The following SCAMP1 variants were observed in gnomAD, a reference collection of about 807,000 sequenced individuals.
SCAMP1 encodes secretory carrier membrane protein 1, also known as secretory carrier-associated membrane protein 1.
SCAMP1 carries 15 observed loss-of-function variants against 41.8 expected under a neutral mutation model. That is an observed-to-expected ratio of 0.36 (90% CI 0.24 to 0.55). The LOEUF is 0.55. Among genes scored for constraint, SCAMP1 ranks in the 20% least tolerant of loss-of-function variants. The pLI is 0.86. For missense variants in SCAMP1, 341 were observed against 412.6 expected (o/e 0.83, Z 1.50); for synonymous variants, 135 against 136.8 (o/e 0.99, Z 0.09).
chr5:78,463,099 C>T (rs1407107658), intron 8 of SCAMP1, among the ~76,000 whole-genome samples: 1 of 152,160 alleles, frequency 6.6e-6, no homozygotes, highest in Non-Finnish European at 1.5e-5. Flanking sequence ...TAGACTGTGT[C>T]CGTTCTTCCA....
chr5:78,443,485 C>T (rs1752978572), intron 6 of SCAMP1, among the ~76,000 whole-genome samples: 2 of 151,956 alleles, frequency 1.3e-5, no homozygotes, highest in African/African-American at 4.8e-5. Flanking sequence ...AGAGTTTGCA[C>T]CAAGGTTGTG....
intron 8 of SCAMP1, among the ~76,000 whole-genome samples, chr5:78,467,783 T>C (rs1438757889): frequency 6.6e-6 from 1 of 152,232 alleles, no homozygotes; most frequent in Non-Finnish European, 1.5e-5. Flanking sequence ...AGCTTTCATA[T>C]TTTAATAGCA....
At chr5:78,386,457 A>G (rs117200125) in intron 1 of SCAMP1, among the ~76,000 whole-genome samples, 1 of 151,868 alleles carries the variant, frequency 6.6e-6, no homozygotes, top group East Asian at 1.9e-4. Context: ...AATCAACGTT[A>G]TTATTGAGAT....
intron 6 of SCAMP1, among the ~76,000 whole-genome samples, chr5:78,447,842 T>TCCCCTCCCTCC (rs1753091621): frequency 4.2e-5 from 3 of 70,756 alleles, no homozygotes; most frequent in East Asian, 5.1e-4. Flanking sequence ...CCTCCCTTCT[T>TCCCCTCCCTCC]TCCCCTCCCT....
chr5:78,370,475 C>T (rs1232008882), intron 1 of SCAMP1: 1 of 152,192 alleles, frequency 6.6e-6, no homozygotes, highest in African/African-American at 2.4e-5. Flanking sequence ...CCTTTCTGTG[C>T]AGAAGGCTTG....
In SCAMP1 at chr5:78,439,358, G is replaced by A. The variant is rs376061392; in HGVS notation, c.633-10575G>A. 5.2e-3 allele frequency among the ~76,000 whole-genome samples: 787 copies of A among 152,240 alleles called. 10 individuals are homozygous for A. Among genetic ancestry groups the A allele is most frequent in the African/African-American group, 0.018 (756 of 41,548 alleles). On this transcript the variant is annotated intron_variant, in intron 6 of 8. Transcript: ENST00000621999. Reference sequence around the variant, plus strand: ...GTTTTTGCAGTGGCTGGTACTGGTTGTTTTTTTCCATGTTTAGTGCTTCCT... The same window carrying A: ...GTTTTTGCAGTGGCTGGTACTGGTTATTTTTTTCCATGTTTAGTGCTTCCT...
chr5:78,418,937 A>T (rs1391357333), intron 5 of SCAMP1, 34 bp downstream of exon 5: 1 of 1,527,506 alleles, frequency 6.5e-7, no homozygotes, highest in Non-Finnish European at 8.8e-7. Flanking sequence ...TTTGCTTAGA[A>T]TTTGTATTTT....
chr5:78,425,205 A>G (rs1202128804), intron 6 of SCAMP1, among the ~76,000 whole-genome samples: 1 of 152,250 alleles, frequency 6.6e-6, no homozygotes, highest in Non-Finnish European at 1.5e-5. Context: ...GACAATTTTC[A>G]AAGTAGTACT....
chr5:78,460,795 TCCTTCCTTCCTC>T (rs1753577111), intron 8 of SCAMP1, among the ~76,000 whole-genome samples: 1 of 46,126 alleles, frequency 2.2e-5, no homozygotes, highest in Admixed American at 1.5e-4. Context: ...CTTCCTTCCT[TCCTTCCTTCCTC>T]CCTTCCTTCC....
intron 1 of SCAMP1, among the ~76,000 whole-genome samples, chr5:78,362,930 T>C (rs1433784016): frequency 3.6e-5 from 5 of 137,048 alleles, no homozygotes; most frequent in Non-Finnish European, 4.8e-5. Context: ...TCTTGCACTG[T>C]TGCCCCGGCT....
intron 1 of SCAMP1, among the ~76,000 whole-genome samples, chr5:78,376,951 T>G (rs1751079730): frequency 6.6e-6 from 1 of 152,088 alleles, no homozygotes; most frequent in African/African-American, 2.4e-5. Context: ...GACAGGGTGA[T>G]CCTAAGAAAA....
intron 5 of SCAMP1, among the ~76,000 whole-genome samples, chr5:78,419,403 A>G (rs1752286212): frequency 6.6e-6 from 1 of 152,174 alleles, no homozygotes; most frequent in Non-Finnish European, 1.5e-5. Context: ...TTTATTATTG[A>G]AAGTGCTTAA....
intron 6 of SCAMP1, among the ~76,000 whole-genome samples, chr5:78,422,442 G>T (rs1339184618): frequency 1.3e-5 from 2 of 151,828 alleles, no homozygotes; most frequent in African/African-American, 2.4e-5. Context: ...TTCAAAGGCA[G>T]CACCATTTTA....
At chr5:78,436,274 TGTTTTA>T (rs1347348869) in intron 6 of SCAMP1, among the ~76,000 whole-genome samples, 1 of 152,216 alleles carries the variant, frequency 6.6e-6, no homozygotes, top group Non-Finnish European at 1.5e-5. Context: ...CTGCTTTTGG[TGTTTTA>T]GTCATGAAAT....
intron 1 of SCAMP1, among the ~76,000 whole-genome samples, chr5:78,363,519 A>G (rs1161485934): frequency 2.0e-5 from 3 of 152,248 alleles, no homozygotes; most frequent in Admixed American, 6.5e-5. Flanking sequence ...CATTTTTCAA[A>G]TCTGTTTTTA....
chr5:78,459,967 C>T (rs1246116739), intron 8 of SCAMP1, among the ~76,000 whole-genome samples: 1 of 152,036 alleles, frequency 6.6e-6, no homozygotes, highest in Non-Finnish European at 1.5e-5. Context: ...TCTGTGTGAA[C>T]CCTTTGTTTA....
In SCAMP1 at chr5:78,405,029, C is replaced by T. The variant is rs181197877; in HGVS notation, c.136-10491C>T. On this transcript the variant is annotated intron_variant, in intron 2 of 8. Coordinates refer to ENST00000621999, the MANE Select transcript of SCAMP1 (RefSeq NM_004866.6). ...TCTTGCAGTGGTTTCTGCTAGAGAG[C>T]TTTTGCTCTGGCAAATTGTTACTCC... 3.5e-3 allele frequency among the ~76,000 whole-genome samples: 537 copies of T among 152,336 alleles called. 4 individuals carry two copies. The highest frequency in any genetic ancestry group is 0.012 in the African/African-American group (514 of 41,568).
chr5:78,369,698 A>C (rs1750896206), intron 1 of SCAMP1, among the ~76,000 whole-genome samples: 1 of 152,222 alleles, frequency 6.6e-6, no homozygotes, highest in Admixed American at 6.5e-5. Context: ...AGTACAGTGA[A>C]ACTAGGTATT....
At chr5:78,415,785 CTT>C (rs966083094) in intron 3 of SCAMP1, among the ~76,000 whole-genome samples, 167 bp downstream of exon 3, 30 of 152,276 alleles carry the variant, frequency 2.0e-4, no homozygotes, top group African/African-American at 7.2e-4. Context: ...ACTCATTCCT[CTT>C]TTTGTCAGCT....
Sources: allele counts gnomAD v4.1 joint callset (sites outside exome capture counted in the v4.1 genomes callset), GRCh38; gene constraint gnomAD v4.1.1; transcripts MANE v1.5; gene names NCBI Gene and HGNC (gene_info 2026-07-23, HGNC 2026-07-21).